The following PRSS23 variants were observed in gnomAD, a reference collection of about 807,000 sequenced individuals.
The protein encoded by PRSS23 is protease, serine 23.
A neutral mutation model predicts 34.7 loss-of-function variants in PRSS23; 25 were observed. The observed-to-expected ratio is 0.72, with a 90% CI of 0.53 to 1.01. PRSS23 has a LOEUF of 1.01. Among genes scored for constraint, PRSS23 ranks in the 50% least tolerant of loss-of-function variants. The pLI, the probability that PRSS23 is intolerant of heterozygous loss-of-function variation, is 0.00. For missense variants in PRSS23, 445 were observed against 475.6 expected (o/e 0.94, Z 0.60); for synonymous variants, 176 against 186.6 (o/e 0.94, Z 0.46).
intron 2 of PRSS23, chr11:86,892,263 C>G (rs1464277682): frequency 1.3e-5 from 2 of 152,270 alleles, no homozygotes; most frequent in African/African-American, 4.8e-5. Context: ...CTCTGGGACA[C>G]TTGGTCATCT....
At chr11:86,794,467 T>C (rs778845134) in intron 1 of PRSS23, among the ~76,000 whole-genome samples, 6 of 152,346 alleles carry the variant, frequency 3.9e-5, no homozygotes, top group African/African-American at 7.2e-5. Flanking sequence ...TAATTTTAGA[T>C]TGGCATATTC....
chr11:86,819,928 G>A (rs1948241073), intron 1 of PRSS23, among the ~76,000 whole-genome samples: 1 of 152,132 alleles, frequency 6.6e-6, no homozygotes, highest in Non-Finnish European at 1.5e-5. Context: ...AAGACCTCCA[G>A]TGCTTTATCA....
At chr11:86,847,217 A>AC (rs1201444788) in intron 2 of PRSS23, among the ~76,000 whole-genome samples, 97 of 152,258 alleles carry the variant, frequency 6.4e-4, no homozygotes, top group African/African-American at 1.5e-3. Flanking sequence ...AAGCTTACTA[A>AC]GCCTCCTGTT....
intron 2 of PRSS23, among the ~76,000 whole-genome samples, chr11:86,887,690 TC>T (rs1409969378): frequency 6.6e-6 from 1 of 152,100 alleles, no homozygotes; most frequent in East Asian, 1.9e-4. Context: ...GAGCTCATAG[TC>T]CGGTGTACTG....
chr11:86,926,711 C>A (rs889722829), intron 2 of PRSS23, among the ~76,000 whole-genome samples: 2 of 152,148 alleles, frequency 1.3e-5, no homozygotes, highest in African/African-American at 4.8e-5. Context: ...GGGTTACACT[C>A]CTGGATTTTG....
rs78802078 is a variant in PRSS23, at chr11:86,941,771, T to C, written c.207-9445T>C. Among the ~76,000 whole-genome samples the C allele has an allele frequency of 8.6e-3, 1,306 of 152,332 alleles. 17 individuals carry two copies. The highest frequency in any genetic ancestry group is 0.03 in the African/African-American group (1,246 of 41,560). ...ACCTATCTTTGAGGCTGGAGAATTTTCTTGGGGGCTAGTGCCCTAGTATCT... is the reference window on the plus strand; with the variant it reads ...ACCTATCTTTGAGGCTGGAGAATTTCCTTGGGGGCTAGTGCCCTAGTATCT... On this transcript the variant is annotated intron_variant, in intron 2 of 2. Transcript: ENST00000533902.
intron 2 of PRSS23, among the ~76,000 whole-genome samples, chr11:86,827,574 A>T (rs1037803053): frequency 6.6e-6 from 1 of 151,768 alleles, no homozygotes; most frequent in African/African-American, 2.4e-5. Context: ...TAGTTCTTTT[A>T]ATTGTGATGT....
intron 2 of PRSS23, among the ~76,000 whole-genome samples, chr11:86,828,256 C>T (rs549130642): frequency 1.3e-5 from 2 of 152,282 alleles, no homozygotes; most frequent in East Asian, 3.9e-4. Flanking sequence ...TAATGGCCTT[C>T]TTTGTCTCTT....
chr11:86,857,415 G>T, intron 2 of PRSS23: 1 of 338,192 alleles, frequency 3.0e-6, no homozygotes. Context: ...TACATAATAT[G>T]TTATTGATGA....
At chr11:86,828,065 C>T (rs1182517017) in intron 2 of PRSS23, among the ~76,000 whole-genome samples, 1 of 152,252 alleles carries the variant, frequency 6.6e-6, no homozygotes, top group African/African-American at 2.4e-5. Context: ...CTTTCTGTCT[C>T]ATTGATCTGT....
chr11:86,949,076 A>T (rs2135036192), intron 2 of PRSS23: 1 of 152,360 alleles, frequency 6.6e-6, no homozygotes. Flanking sequence ...TCTTCTGGGG[A>T]TCAATTCTCA....
chr11:86,808,159 A>G lies in PRSS23; in HGVS notation c.516A>G (p.Thr172=). 1 of 1,614,220 alleles carries G rather than the reference A, an allele frequency of 6.2e-7. No individual in the cohort carries two copies. The highest frequency in any genetic ancestry group is 8.5e-7 in the Non-Finnish European group (1 of 1,180,040). The change falls in exon 2 of 2, where the codon ACA becomes ACG. Residue 172 remains threonine (T), a synonymous_variant. Coordinates refer to ENST00000280258, the MANE Select transcript of PRSS23 (RefSeq NM_007173.6). The part of the protein sequence containing the change: ...GTLVAEKHVL[T]AAHCIHDGKT... The stretch of plus-strand genomic sequence containing the variant: ...TGGTGGCAGAGAAGCATGTCCTCAC[A>G]GCTGCCCACTGCATACACGATGGAA...
At chr11:86,865,283 A>C (rs1948642412) in intron 2 of PRSS23, among the ~76,000 whole-genome samples, 1 of 152,218 alleles carries the variant, frequency 6.6e-6, no homozygotes, top group Middle Eastern at 3.2e-3. Flanking sequence ...CAAGTTACTT[A>C]AGTCCTCAAC....
chr11:86,832,676 A>G, intron 2 of PRSS23: 2 of 388,968 alleles, frequency 5.1e-6, no homozygotes, highest in South Asian at 2.1e-5. Context: ...ATCTGAACTC[A>G]GGTACCCCCC....
intron 1 of PRSS23, among the ~76,000 whole-genome samples, chr11:86,819,096 A>G (rs1309063088): frequency 6.6e-6 from 1 of 152,164 alleles, no homozygotes; most frequent in Non-Finnish European, 1.5e-5. Flanking sequence ...ATAACAAGTC[A>G]GCACTCCATA....
intron 1 of PRSS23, among the ~76,000 whole-genome samples, chr11:86,793,121 G>A (rs1325110201): frequency 2.0e-5 from 3 of 152,142 alleles, no homozygotes; most frequent in Non-Finnish European, 4.4e-5. Flanking sequence ...CTTCTATATT[G>A]TGAACTGTTA....
At chr11:86,839,853 G>A (rs1414294839) in intron 2 of PRSS23, among the ~76,000 whole-genome samples, 4 of 145,310 alleles carry the variant, frequency 2.8e-5, no homozygotes, top group South Asian at 2.3e-4. Context: ...GCCAAACTAA[G>A]CTTCATAAGT....
chr11:86,876,772 C>G (rs878956945), intron 2 of PRSS23, among the ~76,000 whole-genome samples: 1 of 151,868 alleles, frequency 6.6e-6, no homozygotes, highest in African/African-American at 2.4e-5. Context: ...TTCAAAGCAA[C>G]CTATGGGCCC....
At chr11:86,946,358 AG>A (rs1438185836) in intron 2 of PRSS23, 1 of 152,198 alleles carries the variant, frequency 6.6e-6, no homozygotes, top group Non-Finnish European at 1.5e-5. Context: ...GAGGTTTAAA[AG>A]CTTTGAGGAC....
Sources: allele counts gnomAD v4.1 joint callset (sites outside exome capture counted in the v4.1 genomes callset), GRCh38; gene constraint gnomAD v4.1.1; transcripts MANE v1.5; gene names NCBI Gene and HGNC (gene_info 2026-07-23, HGNC 2026-07-21).